AFAP1L2: variants seen among roughly 807,000 people sequenced by gnomAD.
AFAP1L2 encodes the protein actin filament associated protein 1 like 2.
Under a neutral mutation model 99.3 loss-of-function variants are expected in AFAP1L2, and 46 were observed. That is an observed-to-expected ratio of 0.46 (90% CI 0.37 to 0.59). The LOEUF is 0.59. Among genes scored for constraint, AFAP1L2 ranks in the 20% least tolerant of loss-of-function variants. AFAP1L2 has a pLI of 0.00. For missense variants in AFAP1L2, 959 were observed against 1,034.9 expected (o/e 0.93, Z 1.01); for synonymous variants, 397 against 419.1 (o/e 0.95, Z 0.64).
intron 4 of AFAP1L2, among the ~76,000 whole-genome samples, chr10:114,328,857 C>G (rs1382514027): frequency 1.3e-5 from 2 of 152,196 alleles, no homozygotes; most frequent in African/African-American, 4.8e-5. Context: ...GCCCGGTGAA[C>G]ACCACCTACA....
At chr10:114,369,618 T>C (rs1377625041) in intron 1 of AFAP1L2, among the ~76,000 whole-genome samples, 1 of 151,078 alleles carries the variant, frequency 6.6e-6, no homozygotes, top group Non-Finnish European at 1.5e-5. Flanking sequence ...AAAAAAAACT[T>C]TTTATTATGA....
intron 4 of AFAP1L2, among the ~76,000 whole-genome samples, chr10:114,327,318 A>G (rs532350494): frequency 7.9e-4 from 119 of 150,296 alleles, no homozygotes; most frequent in African/African-American, 2.8e-3. Flanking sequence ...ACGCTTGGCT[A>G]ATTTTTGTAT....
the AFAP1L2 span, chr10:114,286,124 G>T: frequency 6.2e-6 from 10 of 1,614,138 alleles, no homozygotes; most frequent in East Asian, 2.2e-4. Flanking sequence ...GCTGGTGGCG[G>T]TGCCTGTGGG....
At chr10:114,403,819 G>C (rs2058455606) in intron 1 of AFAP1L2, among the ~76,000 whole-genome samples, 1 of 152,222 alleles carries the variant, frequency 6.6e-6, no homozygotes, top group African/African-American at 2.4e-5. Context: ...AGCTCCACCT[G>C]CCGGGCACTC....
At chr10:114,345,185 A>G (rs2049353015) in intron 1 of AFAP1L2, among the ~76,000 whole-genome samples, 1 of 139,268 alleles carries the variant, frequency 7.2e-6, no homozygotes, top group Non-Finnish European at 1.5e-5. Context: ...GAAACCACCC[A>G]GTGGCTCTGT....
At chr10:114,347,982 T>A (rs895503373) in intron 1 of AFAP1L2, among the ~76,000 whole-genome samples, 4 of 152,190 alleles carry the variant, frequency 2.6e-5, no homozygotes, top group Admixed American at 1.3e-4. Context: ...TATTTCCCCC[T>A]AGGCTCAGAT....
At chr10:114,384,644 C>T (rs2056256011) in intron 1 of AFAP1L2, among the ~76,000 whole-genome samples, 1 of 152,246 alleles carries the variant, frequency 6.6e-6, no homozygotes, top group Admixed American at 6.5e-5. Flanking sequence ...AGGGCCATCC[C>T]ACTAATCACA....
Position 114,297,432 on chromosome 10 carries a change from A to G in AFAP1L2, c.2114-19T>C. On this transcript the variant is annotated intron_variant, in intron 16 of 18. Coordinates refer to ENST00000304129, the MANE Select transcript of AFAP1L2 (RefSeq NM_001001936.3). ...TCCTTGTCTGGAGAGAGAATTATGC[A>G]GGTGTCAGAGAACAGCATCTCAGCC... 6.2e-7 allele frequency: 1 copy of G among 1,607,906 alleles called. No individual in the cohort carries two copies. The highest frequency in any genetic ancestry group is 8.5e-7 in the Non-Finnish European group (1 of 1,178,472).
intron 1 of AFAP1L2, among the ~76,000 whole-genome samples, chr10:114,394,117 G>A (rs2057440399): frequency 1.3e-5 from 2 of 152,276 alleles, no homozygotes; most frequent in South Asian, 4.2e-4. Context: ...CCTAATCACC[G>A]TGACACTAAC....
chr10:114,331,837 T>A lies in AFAP1L2; in HGVS notation c.281A>T (p.Gln94Leu). ...TGGCGGGAGGTCTGGAAGGCTCTTC[T>A]GAGGGGCCGAGGAGTGCTGGCTGGG... ...GEPSQHSSAP[Q>L]KSLPDLPPPK... Residue 94 changes from glutamine to leucine, a missense_variant, in exon 4 of 19, where the codon CAG (glutamine) becomes CTG (leucine). This residue lies in a region of AFAP1L2 where 383 missense variants were observed against 472.8 expected (regional missense o/e 0.81). Coordinates refer to ENST00000304129, the MANE Select transcript of AFAP1L2 (RefSeq NM_001001936.3). The A allele has an allele frequency of 7.2e-7, 1 of 1,397,296 alleles. No homozygotes were observed. The highest frequency in any genetic ancestry group is 9.4e-7 in the Non-Finnish European group (1 of 1,067,300). 86.6% of individuals were successfully genotyped at this position (1,397,296 alleles called of 1,614,324 possible). A position where few individuals can be genotyped will look rare whatever the true frequency, so the allele number is the denominator to read the frequency against.
At chr10:114,284,933 C>T in the AFAP1L2 span, 3 of 1,605,320 alleles carry the variant, frequency 1.9e-6, no homozygotes, top group Non-Finnish European at 2.5e-6. Context: ...GCTACCAGTG[C>T]CTCTGCCCGC....
At position 114,295,676 on chromosome 10, in the gene AFAP1L2, GCCCTGCTT is replaced by G; in HGVS notation, c.*358_*365del. On this transcript the variant is annotated 3_prime_UTR_variant, in exon 19 of 19. Coordinates refer to ENST00000304129, the MANE Select transcript of AFAP1L2 (RefSeq NM_001001936.3). ...AAAGACACGTGACCCATAAGACAGG[GCCCTGCTT>G]CCTTGATTCATCTTCCACCAAAGTC... 1 of 1,040,182 alleles carries G rather than the reference GCCCTGCTT, an allele frequency of 9.6e-7. No homozygotes were observed. The highest frequency in any genetic ancestry group is 3.7e-5 in the South Asian group (1 of 27,024). The allele number at this position is 1,040,182 out of a possible 1,614,324, so 64.4% of individuals were successfully genotyped here. A position where few individuals can be genotyped will look rare whatever the true frequency, so the allele number is the denominator to read the frequency against.
the AFAP1L2 span, among the ~76,000 whole-genome samples, chr10:114,282,734 C>T: frequency 6.6e-6 from 1 of 152,146 alleles, no homozygotes; most frequent in African/African-American, 2.4e-5. Flanking sequence ...CTCTTGACTC[C>T]CTCAATGGTG....
rs1444155904 is a variant in AFAP1L2 at position 114,404,430 on chromosome 10, G to A, written c.16+10C>T. ...TGGGTGTGCGCCGCGCGAGGAACCC[G>A]CGCCCTCACCTTTGTACCGCTCCAT... On this transcript the variant is annotated intron_variant, in intron 1 of 18. Transcript: ENST00000304129. The A allele has an allele frequency of 7.8e-6, 12 of 1,543,280 alleles. No homozygotes were observed. The African/African-American group carries it at 8.2e-5, about 11-fold the overall frequency.
At chr10:114,367,563 A>G (rs1032979068) in intron 1 of AFAP1L2, among the ~76,000 whole-genome samples, 2 of 152,292 alleles carry the variant, frequency 1.3e-5, no homozygotes, top group African/African-American at 4.8e-5. Context: ...ACTGACCAAT[A>G]ATGAGTCCAG....
chr10:114,390,062 T>TG (rs1384156791), intron 1 of AFAP1L2, among the ~76,000 whole-genome samples: 26 of 152,226 alleles, frequency 1.7e-4, no homozygotes, highest in African/African-American at 6.3e-4. Context: ...ACCTTCCTAA[T>TG]ATGCACCTTT....
intron 18 of AFAP1L2, chr10:114,296,348 T>C (rs1348057068): frequency 6.5e-6 from 3 of 463,836 alleles, no homozygotes; most frequent in Non-Finnish European, 1.2e-5. Context: ...TAGCCATTGT[T>C]GTGGGACCTC....
chr10:114,290,165 G>C, downstream of AFAP1L2: 1 of 1,527,870 alleles, frequency 6.5e-7, no homozygotes. Context: ...CCTCTACTGG[G>C]CTTACTTAGG....
chr10:114,372,477 A>G (rs1338423821), intron 1 of AFAP1L2, among the ~76,000 whole-genome samples: 1 of 152,116 alleles, frequency 6.6e-6, no homozygotes, highest in African/African-American at 2.4e-5. Flanking sequence ...CCATATCTCA[A>G]TATCCACAAC....
Sources: gnomAD v4.1 joint callset for allele counts (sites outside exome capture counted in the v4.1 genomes callset) on GRCh38, gnomAD v4.1.1 for gene constraint, gnomAD v4.1.1 regional missense constraint, MANE v1.5 for transcripts, NCBI Gene and HGNC (gene_info 2026-07-23, HGNC 2026-07-21) for gene names.